BUB1B: variants seen among roughly 807,000 people sequenced by gnomAD.
The protein encoded by BUB1B is BUB1 mitotic checkpoint serine/threonine kinase B, also known as mitotic checkpoint serine/threonine-protein kinase BUB1 beta.
Under a neutral mutation model 137.7 loss-of-function variants are expected in BUB1B, and 86 were observed. The ratio of observed to expected loss-of-function variants is 0.62; its 90% CI spans 0.52 to 0.75. The LOEUF (loss-of-function observed/expected upper bound fraction) is 0.75. Among genes scored for constraint, BUB1B ranks in the 30% least tolerant of loss-of-function variants. The pLI, the probability that BUB1B is intolerant of heterozygous loss-of-function variation, is 0.00. For missense variants in BUB1B, 1,130 were observed against 1,236.9 expected (o/e 0.91, Z 1.30); for synonymous variants, 420 against 417.9 (o/e 1.00, Z -0.06).
At chr15:40,176,310 T>C (rs2037222591) in intron 4 of BUB1B, among the ~76,000 whole-genome samples, 167 bp from the exon 5 acceptor site, 1 of 152,134 alleles carries the variant, frequency 6.6e-6, no homozygotes, top group South Asian at 2.1e-4. Flanking sequence ...AATCGCTCAG[T>C]TTTGCCTCTT....
chr15:40,175,975 G>GTC (rs1466407727), intron 4 of BUB1B, among the ~76,000 whole-genome samples: 1 of 151,662 alleles, frequency 6.6e-6, no homozygotes, highest in Non-Finnish European at 1.5e-5. Context: ...TAGAGACAGG[G>GTC]TCTCACTCTG....
intron 16 of BUB1B, among the ~76,000 whole-genome samples, 175 bp downstream of exon 16, chr15:40,208,945 G>A (rs540576929): frequency 3.3e-4 from 50 of 152,194 alleles, no homozygotes; most frequent in African/African-American, 1.2e-3. Context: ...AGCCTCCCGA[G>A]TAGCTGGGAC....
chr15:40,168,654 A>G (rs976155380), intron 2 of BUB1B, among the ~76,000 whole-genome samples: 14 of 152,152 alleles, frequency 9.2e-5, no homozygotes, highest in Non-Finnish European at 1.9e-4. Flanking sequence ...TAAAGAACCA[A>G]TAGTGGCTGG....
At chr15:40,201,134 A>C (rs543166834) in intron 12 of BUB1B, among the ~76,000 whole-genome samples, 154 bp downstream of exon 12, 1 of 152,336 alleles carries the variant, frequency 6.6e-6, no homozygotes, top group Non-Finnish European at 1.5e-5. Flanking sequence ...ATGATAGGAA[A>C]GACATTTGAA....
intron 10 of BUB1B, 101 bp downstream of exon 10, chr15:40,199,828 GT>G: frequency 1.1e-6 from 1 of 900,876 alleles, no homozygotes; most frequent in East Asian, 2.7e-5. Context: ...CCCATTTAGA[GT>G]TTCTGGTAGT....
chr15:40,173,829 G>T, intron 4 of BUB1B: 1 of 318,520 alleles, frequency 3.1e-6, no homozygotes, highest in Non-Finnish European at 6.0e-6. Flanking sequence ...TTCTTTGTGG[G>T]TCTGGTCAAG....
intron 2 of BUB1B, among the ~76,000 whole-genome samples, chr15:40,165,877 G>A (rs2037090038): frequency 1.3e-5 from 2 of 149,754 alleles, no homozygotes; most frequent in Admixed American, 6.6e-5. Flanking sequence ...TAATATGACA[G>A]GGTCTCCCTC....
intron 15 of BUB1B, 101 bp from the exon 16 acceptor site, chr15:40,208,536 C>T: frequency 8.0e-7 from 1 of 1,247,160 alleles, no homozygotes; most frequent in Non-Finnish European, 1.1e-6. Flanking sequence ...AAAACTCCAT[C>T]TCAAAAAAAA....
chr15:40,212,633 C>T lies in BUB1B; in HGVS notation c.2520C>T (p.Asn840=), dbSNP rs1385699061. ...DGCIVWHQYI[N]CFTLQDLLQH... is the part of the protein sequence containing the mutation. ...GTATTGTTTGGCACCAATATATAAA[C>T]TGCTTCACCCTTCAGGTCTGTAATA... Residue 840 remains asparagine, a synonymous_variant, in exon 19 of 23, where the codon AAC becomes AAT. Coordinates refer to ENST00000287598, the MANE Select transcript of BUB1B (RefSeq NM_001211.6). 1.9e-6 allele frequency: 3 copies of T among 1,613,374 alleles called. No individual in the cohort carries two copies. The East Asian group carries it at 6.7e-5, about 36-fold the overall frequency.
chr15:40,212,600 A>G lies in BUB1B; in HGVS notation c.2487A>G (p.Gln829=). ...FDHFCSCYQY[Q]DGCIVWHQYI... ...ATTTTTGCAGCTGTTATCAATATCA[A>G]GATGGCTGTATTGTTTGGCACCAAT... Residue 829 remains glutamine (Q), a synonymous_variant, in exon 19 of 23, where the codon CAA becomes CAG. Transcript: ENST00000287598. 1.9e-6 allele frequency: 3 copies of G among 1,613,836 alleles called. No individual in the cohort carries two copies. The highest frequency in any genetic ancestry group is 2.5e-6 in the Non-Finnish European group (3 of 1,179,850).
intron 22 of BUB1B, 96 bp from the exon 23 acceptor site, chr15:40,220,468 C>A: frequency 7.9e-7 from 1 of 1,270,704 alleles, no homozygotes; most frequent in South Asian, 1.2e-5. Flanking sequence ...TTACCTTACA[C>A]CATTTTGGTG....
chr15:40,177,083 A>G (rs1396373595), intron 5 of BUB1B, among the ~76,000 whole-genome samples: 2 of 152,210 alleles, frequency 1.3e-5, no homozygotes, highest in African/African-American at 2.4e-5. Flanking sequence ...TTGATTTAGC[A>G]TAATGCATTT....
chr15:40,206,382 G>T lies in BUB1B; in HGVS notation c.1933G>T (p.Asp645Tyr). The change falls in exon 15 of 23, where the codon GAT (aspartate) becomes TAT (tyrosine). Residue 645 changes from aspartate (D) to tyrosine (Y), a missense_variant. Coordinates refer to ENST00000287598, the MANE Select transcript of BUB1B (RefSeq NM_001211.6). The stretch of plus-strand genomic sequence containing the variant: ...GAGACTGTTACCGGAAGAAGATCTA[G>T]ATGTAAAGACCTCTGAGGACCAGCA... The part of the protein sequence containing the change: ...PERLLPEEDL[D>Y]VKTSEDQQTA... 1 of 1,614,182 alleles carries T rather than the reference G, an allele frequency of 6.2e-7. No homozygotes were observed. Among genetic ancestry groups the T allele is most frequent in the Non-Finnish European group, 8.5e-7 (1 of 1,180,038 alleles).
chr15:40,179,929 A>G (rs1022787302), intron 5 of BUB1B, among the ~76,000 whole-genome samples: 4 of 150,950 alleles, frequency 2.6e-5, no homozygotes, highest in African/African-American at 4.9e-5. Flanking sequence ...ATGCATTGAA[A>G]ACCCCACCAG....
rs183907390 is a variant in BUB1B at position 40,213,597 on chromosome 15, A to C, written c.2678+123A>C. The C allele has an allele frequency of 7.3e-5, 80 of 1,092,672 alleles. No individual in the cohort carries two copies. In the African/African-American group the frequency reaches 7.3e-4, roughly 10 times the overall value. 67.7% of individuals were successfully genotyped at this position (1,092,672 alleles called of 1,614,324 possible). A position where few individuals can be genotyped will look rare whatever the true frequency, so the allele number is the denominator to read the frequency against. On this transcript the variant is annotated intron_variant, in intron 20 of 22. Transcript: ENST00000287598. ...GTCACCTAGGTTGGAGTACAGTGGC[A>C]TGATCTTGGCTCACTGCAGCCTCCA...
At chr15:40,170,309 G>T in intron 3 of BUB1B, 188 bp downstream of exon 3, 1 of 760,582 alleles carries the variant, frequency 1.3e-6, no homozygotes, top group South Asian at 1.8e-5. Flanking sequence ...TCAAGTTTAT[G>T]ATGTACAACT....
chr15:40,199,529 T>A, intron 9 of BUB1B, 86 bp from the exon 10 acceptor site: 1 of 935,732 alleles, frequency 1.1e-6, no homozygotes, highest in Non-Finnish European at 1.7e-6. Context: ...GTAACATATA[T>A]GTTGAGGAGA....
At chr15:40,175,362 A>G (rs2037212792) in intron 4 of BUB1B, among the ~76,000 whole-genome samples, 1 of 152,212 alleles carries the variant, frequency 6.6e-6, no homozygotes, top group Admixed American at 6.5e-5. Context: ...GCGTCACTGC[A>G]GTCCAGCCTG....
At chr15:40,220,087 C>G (rs2037873711) in intron 22 of BUB1B, among the ~76,000 whole-genome samples, 1 of 152,080 alleles carries the variant, frequency 6.6e-6, no homozygotes, top group Non-Finnish European at 1.5e-5. Flanking sequence ...GGAAGTTTCT[C>G]TGATCAAAAG....
Sources: gnomAD v4.1 joint callset for allele counts (sites outside exome capture counted in the v4.1 genomes callset) on GRCh38, gnomAD v4.1.1 for gene constraint, MANE v1.5 for transcripts, NCBI Gene and HGNC (gene_info 2026-07-23, HGNC 2026-07-21) for gene names.